SGTB: variants seen among roughly 807,000 people sequenced by gnomAD.
SGTB encodes the protein small glutamine rich tetratricopeptide repeat co-chaperone beta.
A neutral mutation model predicts 43.9 loss-of-function variants in SGTB; 19 were observed. That is an observed-to-expected ratio of 0.43 (90% CI 0.30 to 0.63). SGTB has a LOEUF of 0.63. Among genes scored for constraint, SGTB ranks in the 30% least tolerant of loss-of-function variants. SGTB has a pLI of 0.12. For missense variants in SGTB, 304 were observed against 358.9 expected, an observed-to-expected ratio of 0.85 and a Z score of 1.24; for synonymous variants, 116 against 117.3, an observed-to-expected ratio of 0.99 and a Z score of 0.07.
chr5:65,680,700 T>A lies in SGTB; in HGVS notation c.574A>T (p.Asn192Tyr), dbSNP rs1162492634. The A allele has an allele frequency of 6.2e-7, 1 of 1,614,000 alleles. No homozygotes were observed. The highest frequency in any genetic ancestry group is 8.5e-7 in the Non-Finnish European group (1 of 1,180,014). ...LDPENDSYKS[N>Y]LKIAEQKLRE... is the part of the protein sequence containing the mutation. ...AACTTCTGTTCTGCTATTTTCAGAT[T>A]TGACTTATAGGAATCATTTTCAGGG... The change falls in exon 7 of 11, where the codon AAT becomes TAT. Residue 192 changes from asparagine to tyrosine, a missense_variant. Asn to Tyr is a moderately radical substitution (Grantham distance 143, BLOSUM62 -2). Coordinates refer to ENST00000381007, the MANE Select transcript of SGTB (RefSeq NM_019072.3).
intron 8 of SGTB, among the ~76,000 whole-genome samples, chr5:65,678,689 C>G (rs1481159431): frequency 6.6e-6 from 1 of 152,174 alleles, no homozygotes; most frequent in Non-Finnish European, 1.5e-5. Flanking sequence ...AGAAATAAGA[C>G]TGCACACTCA....
chr5:65,680,790 C>G lies in SGTB; in HGVS notation c.484G>C (p.Ala162Pro). The G allele has an allele frequency of 6.2e-7, 1 of 1,612,896 alleles. No homozygotes were observed. The change falls in exon 7 of 11, where the codon GCC becomes CCC. Residue 162 changes from alanine to proline, a missense_variant. Ala to Pro is a conservative substitution (Grantham distance 27, BLOSUM62 -1). Coordinates refer to ENST00000381007, the MANE Select transcript of SGTB (RefSeq NM_019072.3). ...TCAAATTTATTCAAGGCAGTGAGGG[C>G]CAGCCTGAAGGGAATAGAATATAAG... ...YSKAYGRMGLALTALNKFEEA... is the reference protein window; with the variant it reads ...YSKAYGRMGLPLTALNKFEEA...
At chr5:65,712,830 TAGAC>T in intron 3 of SGTB, 127 bp downstream of exon 3, 1 of 601,688 alleles carries the variant, frequency 1.7e-6, no homozygotes, top group South Asian at 2.5e-5. Flanking sequence ...TATATCCATA[TAGAC>T]AGACTATTTA....
At chr5:65,699,791 T>C (rs1757779030) in intron 5 of SGTB, among the ~76,000 whole-genome samples, 1 of 152,218 alleles carries the variant, frequency 6.6e-6, no homozygotes, top group Non-Finnish European at 1.5e-5. Context: ...GGTACTCTTC[T>C]CAAGTTTGTG....
intron 8 of SGTB, among the ~76,000 whole-genome samples, chr5:65,676,856 C>G (rs1054719383): frequency 6.6e-6 from 1 of 151,630 alleles, no homozygotes; most frequent in Non-Finnish European, 1.5e-5. Context: ...GCACTAAATG[C>G]CCAAATCAAA....
chr5:65,698,050 G>C (rs2150715104), intron 5 of SGTB, among the ~76,000 whole-genome samples: 1 of 152,238 alleles, frequency 6.6e-6, no homozygotes, highest in Non-Finnish European at 1.5e-5. Flanking sequence ...GAGTGTTGTA[G>C]GCAACAGACT....
intron 5 of SGTB, among the ~76,000 whole-genome samples, chr5:65,701,327 A>G (rs1444875445): frequency 1.3e-5 from 2 of 152,136 alleles, no homozygotes; most frequent in Non-Finnish European, 2.9e-5. Flanking sequence ...CAAGTTTCGA[A>G]TGGGTTAAAA....
intron 8 of SGTB, among the ~76,000 whole-genome samples, chr5:65,677,131 A>G (rs1372965652): frequency 6.6e-6 from 1 of 152,046 alleles, no homozygotes; most frequent in Non-Finnish European, 1.5e-5. Context: ...ATCAAAAATG[A>G]TATTACCACT....
intron 6 of SGTB, among the ~76,000 whole-genome samples, chr5:65,682,529 T>A (rs1415736141): frequency 2.6e-5 from 4 of 152,170 alleles, no homozygotes; most frequent in Non-Finnish European, 4.4e-5. Flanking sequence ...CGATCAACAC[T>A]TGGATTCAAG....
rs1225487312 is a variant in SGTB at position 65,672,231 on chromosome 5, T to C, written c.719+13A>G. On this transcript the variant is annotated intron_variant, in intron 9 of 10. Transcript: ENST00000381007. ...GGTTGGGGAAGTGTAATAAGCTCTT[T>C]CTATATACTTACAGCTGTTGAACTT... is the stretch of plus-strand genomic sequence containing the variant. 6 of 1,614,036 alleles carry C rather than the reference T, an allele frequency of 3.7e-6. No individual in the cohort carries two copies. Among genetic ancestry groups the C allele is most frequent in the Admixed American group, 1.7e-5 (1 of 59,968 alleles).
intron 2 of SGTB, among the ~76,000 whole-genome samples, chr5:65,715,612 A>T (rs1360746837): frequency 6.6e-6 from 1 of 152,262 alleles, no homozygotes; most frequent in Non-Finnish European, 1.5e-5. Flanking sequence ...CACTTTTGAC[A>T]TATCAGTGAA....
chr5:65,713,056 G>A lies in SGTB; in HGVS notation c.109C>T (p.Gln37Ter). 1 of 1,603,556 alleles carries A rather than the reference G, an allele frequency of 6.2e-7. No individual in the cohort carries two copies. Among genetic ancestry groups the A allele is most frequent in the Non-Finnish European group, 8.5e-7 (1 of 1,176,840 alleles). The change falls in exon 3 of 11, where the codon CAG (glutamine) becomes TAG (stop). Residue 37 changes from glutamine (Q) to a stop codon, truncating the protein, a stop_gained. Transcript: ENST00000381007. LOFTEE classifies it high-confidence loss of function. ...ATCTTAAAAACTGTCTCCAAGCACTGAATTGCAACTTGAAATAAATTTTAA... is the reference window on the plus strand; with the variant it reads ...ATCTTAAAAACTGTCTCCAAGCACTAAATTGCAACTTGAAATAAATTTTAA... ...DEQESLEVAI[Q>*]CLETVFKISP...
rs970790227 is a variant in SGTB, at chr5:65,688,673, A to G, written c.375-3201T>C. Reference sequence around the variant, plus strand: ...CAATCAGAAAATGACTCCTCTATACATAATACATAGGACTTAGCATACTCT... The same window carrying G: ...CAATCAGAAAATGACTCCTCTATACGTAATACATAGGACTTAGCATACTCT... On this transcript the variant is annotated intron_variant, in intron 5 of 10. Transcript: ENST00000381007. Among the ~76,000 whole-genome samples the G allele has an allele frequency of 1.6e-4, 25 of 152,222 alleles. 1 individual carries two copies. The highest frequency in any genetic ancestry group is 2.9e-5 in the Non-Finnish European group (2 of 68,030).
chr5:65,682,157 A>T (rs889564771), intron 6 of SGTB, among the ~76,000 whole-genome samples: 1 of 152,204 alleles, frequency 6.6e-6, no homozygotes. Context: ...AAAATGAGGG[A>T]GGAGCATTGT....
intron 5 of SGTB, among the ~76,000 whole-genome samples, chr5:65,687,554 G>A (rs1277922753): frequency 1.3e-5 from 2 of 152,236 alleles, no homozygotes; most frequent in African/African-American, 4.8e-5. Context: ...ATGAGACATT[G>A]TCTCAGAGCA....
At chr5:65,681,712 C>T (rs1757400826) in intron 6 of SGTB, among the ~76,000 whole-genome samples, 1 of 152,120 alleles carries the variant, frequency 6.6e-6, no homozygotes, top group African/African-American at 2.4e-5. Flanking sequence ...TGGCCCACGT[C>T]TCTAATCCCA....
At chr5:65,679,258 T>C (rs371331972) in intron 8 of SGTB, among the ~76,000 whole-genome samples, 2 of 152,298 alleles carry the variant, frequency 1.3e-5, no homozygotes, top group African/African-American at 4.8e-5. Context: ...ACATCATTGA[T>C]CATTAGAGAA....
intron 8 of SGTB, among the ~76,000 whole-genome samples, chr5:65,679,547 G>A (rs1369791649): frequency 6.6e-6 from 1 of 152,134 alleles, no homozygotes; most frequent in Non-Finnish European, 1.5e-5. Context: ...AACCCAGGAG[G>A]TGGAGGTTGC....
At chr5:65,678,280 C>T (rs1757321052) in intron 8 of SGTB, among the ~76,000 whole-genome samples, 1 of 152,134 alleles carries the variant, frequency 6.6e-6, no homozygotes, top group South Asian at 2.1e-4. Context: ...TCTAGAAATA[C>T]AGCTAACAGG....
Sources: allele counts gnomAD v4.1 joint callset (sites outside exome capture counted in the v4.1 genomes callset), GRCh38; gene constraint gnomAD v4.1.1; transcripts MANE v1.5; gene names NCBI Gene and HGNC (gene_info 2026-07-23, HGNC 2026-07-21).